CUL4B: variants seen among roughly 807,000 people sequenced by gnomAD.
The protein encoded by CUL4B is cullin-4B.
In CUL4B, 1 loss-of-function variant was observed where a neutral mutation model predicts 69.2. That is an observed-to-expected ratio of 0.01 (90% confidence interval 0.01 to 0.07). CUL4B has a LOEUF of 0.07. Among genes scored for constraint, CUL4B ranks in the 10% least tolerant of loss-of-function variants. The pLI is 1.00. For synonymous variants in CUL4B, 237 were observed against 223.2 expected (o/e 1.06, Z -0.55); for missense variants, 328 against 638.8 (o/e 0.51, Z 5.24).
chrX:120,566,993 G>C (rs1231868513), downstream of CUL4B, among the ~76,000 whole-genome samples: 1 of 111,275 alleles, frequency 9.0e-6, no homozygotes, highest in African/African-American at 3.3e-5. Flanking sequence ...GCCATGGCAT[G>C]GGCCTATTTT....
Position 120,560,156 on chromosome X carries a change from A to T in CUL4B, c.483T>A (p.Ser161=). The T allele has an allele frequency of 8.3e-7, 1 of 1,211,836 alleles. No individual in the cohort carries two copies. Among genetic ancestry groups the T allele is most frequent in the South Asian group, 1.8e-5 (1 of 57,010 alleles). The change falls in exon 1 of 20, where the codon TCT becomes TCA. Residue 161 remains serine, a synonymous_variant. Transcript: ENST00000371322. ...SVHHANGLAK[S]STTVSSFANS... The stretch of plus-strand genomic sequence containing the variant: ...TAGCAAAGCTAGAGACGGTGGTAGA[A>T]GATTTGGCTAGGCCGTTTGCATGAT...
chrX:120,559,599 G>A (rs1196751313), intron 1 of CUL4B, among the ~76,000 whole-genome samples: 1 of 112,142 alleles, frequency 8.9e-6, no homozygotes, highest in Non-Finnish European at 1.9e-5. Flanking sequence ...TGAGTTTCAT[G>A]AATACAGTAT....
intron 17 of CUL4B, among the ~76,000 whole-genome samples, chrX:120,533,301 G>A (rs73219157): frequency 3.9e-3 from 441 of 111,847 alleles, no homozygotes; most frequent in Non-Finnish European, 5.9e-3. Flanking sequence ...CCTTCCAGTT[G>A]CCCTGTAGAT....
At chrX:120,571,228 C>T (rs1925702577) in exon 3 of CUL4B, 1 of 111,135 alleles carries the variant, frequency 9.0e-6, no homozygotes, top group Non-Finnish European at 1.9e-5. Flanking sequence ...ACACATCATA[C>T]ATCTTTTGTA....
At chrX:120,553,572 C>T (rs1924805179) in intron 2 of CUL4B, among the ~76,000 whole-genome samples, 1 of 111,519 alleles carries the variant, frequency 9.0e-6, no homozygotes, top group African/African-American at 3.3e-5. Flanking sequence ...CGCTCCTGTA[C>T]AAACTTCCAG....
At chrX:120,555,341 T>C (rs1218356271) in intron 2 of CUL4B, among the ~76,000 whole-genome samples, 1 of 112,290 alleles carries the variant, frequency 8.9e-6, no homozygotes, top group Non-Finnish European at 1.9e-5. Flanking sequence ...TGAAATTAAA[T>C]ATGCTGTATA....
downstream of CUL4B, among the ~76,000 whole-genome samples, chrX:120,568,261 T>G (rs1436845568): frequency 8.9e-6 from 1 of 111,743 alleles, no homozygotes; most frequent in African/African-American, 3.3e-5. Context: ...TACATTTTGC[T>G]GACCTCACAG....
Position 120,535,908 on chromosome X carries a change from G to A in CUL4B, c.2082C>T (p.Tyr694=). The change falls in exon 16 of 20, where the codon TAC becomes TAT. Residue 694 remains tyrosine, a synonymous_variant. Coordinates refer to ENST00000371322, the MANE Select transcript of CUL4B (RefSeq NM_001079872.2). ...GTTTCCTGCCACTATGTTTGCCTAG[G>A]TAAAATGTCTTGAAAATCTCCTGAA... ...VKLQEIFKTF[Y]LGKHSGRKLQ... is the part of the protein sequence containing the mutation. The A allele has an allele frequency of 8.3e-7, 1 of 1,203,772 alleles. No individual in the cohort carries two copies. Among genetic ancestry groups the A allele is most frequent in the East Asian group, 3.0e-5 (1 of 33,751 alleles).
chrX:120,568,126 C>G (rs1168397394), downstream of CUL4B, among the ~76,000 whole-genome samples: 1 of 111,223 alleles, frequency 9.0e-6, no homozygotes, highest in Non-Finnish European at 1.9e-5. Context: ...GTGAATGCCT[C>G]TTGGAGGAAA....
chrX:120,523,896 T>C lies in CUL4B; in HGVS notation c.*2865A>G, dbSNP rs1371088358. Among the ~76,000 whole-genome samples, 1 of 111,702 alleles carries C rather than the reference T, an allele frequency of 9.0e-6. No individual in the cohort carries two copies. Among genetic ancestry groups the C allele is most frequent in the African/African-American group, 3.2e-5 (1 of 30,790 alleles). ...TGCTCTTTTCTTTTTAATGAACAAT[T>C]TGTTTTGGCAATTTTATGTAAATAA... On this transcript the variant is annotated 3_prime_UTR_variant, in exon 20 of 20. Coordinates refer to ENST00000371322, the MANE Select transcript of CUL4B (RefSeq NM_001079872.2).
At position 120,534,236 on chromosome X, in the gene CUL4B, C is replaced by T. The variant is rs189813581; in HGVS notation, c.2266+245G>A. On this transcript the variant is annotated intron_variant, in intron 17 of 19. Transcript: ENST00000371322. ...AAAAATTTTAAAAATTAGCCAGGCA[C>T]GGTGGCATGCACTTGTAGTCCCATC... Among the ~76,000 whole-genome samples the T allele has an allele frequency of 3.4e-3, 360 of 106,689 alleles. 1 individual carries two copies. Among genetic ancestry groups the T allele is most frequent in the African/African-American group, 0.012 (346 of 29,110 alleles). The allele number at this position is 106,689 out of a possible 115,157, so 92.6% of individuals were successfully genotyped here.
intron 3 of CUL4B, 45 bp downstream of exon 3, chrX:120,547,091 G>C (rs1924384817): frequency 3.3e-6 from 3 of 898,657 alleles, no homozygotes; most frequent in African/African-American, 4.0e-5. Flanking sequence ...TAGGGACAGA[G>C]AGGAAGACAA....
At chrX:120,552,803 A>G (rs182376520) in intron 2 of CUL4B, among the ~76,000 whole-genome samples, 1 of 112,508 alleles carries the variant, frequency 8.9e-6, no homozygotes, top group Admixed American at 9.5e-5. Flanking sequence ...TGGTCTAAGG[A>G]GTGGAGTCTT....
intron 1 of CUL4B, among the ~76,000 whole-genome samples, chrX:120,559,062 C>CA (rs1312912260): frequency 9.0e-6 from 1 of 110,576 alleles, no homozygotes; most frequent in African/African-American, 3.3e-5. Flanking sequence ...CTGCTTGAGA[C>CA]AAAATAGAGC....
chrX:120,533,831 G>A (rs1312000708), intron 17 of CUL4B, among the ~76,000 whole-genome samples: 1 of 111,537 alleles, frequency 9.0e-6, no homozygotes, highest in East Asian at 2.8e-4. Flanking sequence ...ACTTTGGTAG[G>A]CCGAGGCAGG....
intron 18 of CUL4B, among the ~76,000 whole-genome samples, chrX:120,531,889 C>T (rs1443012059): frequency 9.0e-6 from 1 of 111,267 alleles, no homozygotes; most frequent in Non-Finnish European, 1.9e-5. Flanking sequence ...TGCTGCTGGA[C>T]AGAGTATAAA....
At chrX:120,556,657 T>C (rs759147637) in intron 2 of CUL4B, among the ~76,000 whole-genome samples, 25 of 108,801 alleles carry the variant, frequency 2.3e-4, no homozygotes, top group Admixed American at 4.0e-4. Flanking sequence ...CTGGGCAACA[T>C]AGCAAGACCC....
chrX:120,574,371 C>T (rs1020775538), intron 2 of CUL4B, among the ~76,000 whole-genome samples: 8 of 109,827 alleles, frequency 7.3e-5, no homozygotes, highest in African/African-American at 2.7e-4. Context: ...CAACCACGCC[C>T]GGCTAATTTT....
In CUL4B at chrX:120,560,724, T is replaced by G; in HGVS notation, c.-86A>C. ...CGTGTAGGAGAGAAGGTAGCAATGC[T>G]AGAGGGGGAAGGGAAGAAAGAAGAG... On this transcript the variant is annotated 5_prime_UTR_variant, in exon 1 of 20. Coordinates refer to ENST00000371322, the MANE Select transcript of CUL4B (RefSeq NM_001079872.2). 2 of 1,075,268 alleles carry G rather than the reference T, an allele frequency of 1.9e-6. No homozygotes were observed. Among genetic ancestry groups the G allele is most frequent in the Non-Finnish European group, 2.4e-6 (2 of 827,233 alleles). The allele number at this position is 1,075,268 out of a possible 1,213,427, so 88.6% of individuals were successfully genotyped here. A position where few individuals can be genotyped will look rare whatever the true frequency, so the allele number is the denominator to read the frequency against.
Sources: gnomAD v4.1 joint callset for allele counts (sites outside exome capture counted in the v4.1 genomes callset) on GRCh38, gnomAD v4.1.1 for gene constraint, MANE v1.5 for transcripts, NCBI Gene and HGNC (gene_info 2026-07-23, HGNC 2026-07-21) for gene names.